RTP2: variants seen among roughly 807,000 people sequenced by gnomAD.
The protein encoded by RTP2 is receptor transporter protein 2.
In RTP2, 12 loss-of-function variants were observed where a neutral mutation model predicts 17.9. The ratio of observed to expected loss-of-function variants is 0.67; its 90% CI spans 0.43 to 1.09. The LOEUF is 1.09. RTP2 is among the 50% of genes least tolerant of loss of function. The probability of loss-of-function intolerance (pLI) is 0.00; values close to 1 mark genes in which losing one functional copy is unlikely to be tolerated. For synonymous variants in RTP2, 126 were observed against 117.7 expected, an observed-to-expected ratio of 1.07 and a Z score of -0.46; for missense variants, 327 against 295.7, an observed-to-expected ratio of 1.11 and a Z score of -0.78.
chr3:187,706,146 A>G (rs1198150697), upstream of RTP2, among the ~76,000 whole-genome samples: 1 of 152,232 alleles, frequency 6.6e-6, no homozygotes, highest in Non-Finnish European at 1.5e-5. Context: ...ATAACTACAC[A>G]CTATAAAAAT....
chr3:187,700,463 G>A (rs1406899738), intron 1 of RTP2, among the ~76,000 whole-genome samples: 3 of 152,250 alleles, frequency 2.0e-5, no homozygotes, highest in Non-Finnish European at 4.4e-5. Flanking sequence ...CCAGGAGTAA[G>A]AGGAGCTGAC....
the RTP2 span, among the ~76,000 whole-genome samples, chr3:187,708,381 C>T: frequency 6.6e-6 from 1 of 152,168 alleles, no homozygotes; most frequent in Admixed American, 6.5e-5. Flanking sequence ...GTGCCGGTGC[C>T]ATAACAGTTA....
exon 1 of RTP2, chr3:187,702,263 T>A: frequency 1.2e-6 from 1 of 840,810 alleles, no homozygotes; most frequent in Non-Finnish European, 1.9e-6. Context: ...AGGACCCAGC[T>A]CCCTCCTCTG....
chr3:187,699,728 TCC>T (rs1491585916), intron 1 of RTP2, among the ~76,000 whole-genome samples: 283 of 118,842 alleles, frequency 2.4e-3, no homozygotes, highest in Middle Eastern at 4.5e-3. Context: ...CCATTGCCAC[TCC>T]ACACACACAC....
chr3:187,702,182 A>G (rs1717869340), exon 1 of RTP2: 2 of 1,535,992 alleles, frequency 1.3e-6, no homozygotes, highest in Non-Finnish European at 1.8e-6. Context: ...GAACACAGAA[A>G]GAGCACGGAT....
In RTP2 at chr3:187,702,067, G is replaced by A. The variant is rs748103388; in HGVS notation, c.62C>T (p.Ala21Val). 1.9e-6 allele frequency: 3 copies of A among 1,613,662 alleles called. No homozygotes were observed. The South Asian group carries it at 3.3e-5, about 18-fold the overall frequency. The change falls in exon 1 of 2, where the codon GCA becomes GTA. Residue 21 changes from alanine (A) to valine (V), a missense_variant. Coordinates refer to ENST00000358241, the Ensembl canonical transcript of RTP2. ...GAGCTCCCAGCTGTCCGCTGGCTTT[G>A]CCACCTCCATCTTCTCATAGAAGAC...
chr3:187,714,800 G>A, the RTP2 span, among the ~76,000 whole-genome samples: 2 of 152,126 alleles, frequency 1.3e-5, no homozygotes, highest in East Asian at 3.8e-4. Context: ...GCTAGGCAGG[G>A]GTCTTGGTGT....
the RTP2 span, among the ~76,000 whole-genome samples, chr3:187,708,861 T>A: frequency 2.6e-5 from 4 of 152,030 alleles, no homozygotes; most frequent in Admixed American, 6.6e-5. Context: ...TTACTGGAGG[T>A]CCTATAGTTA....
In RTP2 at chr3:187,698,680, T is replaced by A. The variant is rs1445509189; in HGVS notation, c.496A>T (p.Lys166Ter). 7 of 1,614,134 alleles carry A rather than the reference T, an allele frequency of 4.3e-6. No individual in the cohort carries two copies. The highest frequency in any genetic ancestry group is 5.1e-6 in the Non-Finnish European group (6 of 1,179,998). Residue 166 changes from lysine (K) to a stop codon, truncating the protein, a stop_gained, in exon 2 of 2, where the codon AAG (lysine) becomes TAG (stop). Coordinates refer to ENST00000358241, the Ensembl canonical transcript of RTP2. LOFTEE classifies it high-confidence loss of function. ...TCCTCCAGCAGCTTCTCGCTGGGCT[T>A]CCAGTGAACGATGCCCTCCTGGCAG...
intron 1 of RTP2, 76 bp from the exon 2 acceptor site, chr3:187,699,087 A>G (rs1192785658): frequency 2.0e-6 from 3 of 1,468,590 alleles, no homozygotes; most frequent in East Asian, 2.4e-5. Context: ...TGAGAGGGAA[A>G]AAAAAGCCTG....
chr3:187,706,016 G>C (rs1717982865), upstream of RTP2, among the ~76,000 whole-genome samples: 1 of 152,206 alleles, frequency 6.6e-6, no homozygotes, highest in South Asian at 2.1e-4. Context: ...ATTGGAACCA[G>C]AAGATACACA....
chr3:187,708,986 T>G, the RTP2 span, among the ~76,000 whole-genome samples: 5 of 150,114 alleles, frequency 3.3e-5, no homozygotes, highest in Admixed American at 2.7e-4. Context: ...TTTTTTTCTG[T>G]CTTCCCTGGA....
At chr3:187,702,638 C>A, upstream of RTP2, 1 of 454,908 alleles carries the variant, frequency 2.2e-6, no homozygotes, top group Non-Finnish European at 4.4e-6. Context: ...CCATCACTTA[C>A]CATGTGCCTA....
At chr3:187,712,214 T>C in the RTP2 span, among the ~76,000 whole-genome samples, 27 of 152,196 alleles carry the variant, frequency 1.8e-4, no homozygotes, top group African/African-American at 6.5e-4. Flanking sequence ...ACTTCCTGGC[T>C]TGGATATTGT....
chr3:187,715,174 G>T, the RTP2 span, among the ~76,000 whole-genome samples: 2 of 152,104 alleles, frequency 1.3e-5, no homozygotes, highest in Non-Finnish European at 1.5e-5. Context: ...TCTAAATGGG[G>T]TAGGATCTTG....
At chr3:187,704,261 G>A (rs1309336400), upstream of RTP2, among the ~76,000 whole-genome samples, 1 of 152,218 alleles carries the variant, frequency 6.6e-6, no homozygotes, top group Non-Finnish European at 1.5e-5. Flanking sequence ...TGGAATGCAA[G>A]TTAATGAAGA....
upstream of RTP2, among the ~76,000 whole-genome samples, chr3:187,705,515 A>G (rs1717970402): frequency 6.6e-6 from 1 of 152,180 alleles, no homozygotes; most frequent in Admixed American, 6.5e-5. Flanking sequence ...TTTTAAACAC[A>G]CATTTACCCA....
the RTP2 span, among the ~76,000 whole-genome samples, chr3:187,709,574 A>G: frequency 6.6e-6 from 1 of 152,118 alleles, no homozygotes; most frequent in Non-Finnish European, 1.5e-5. Flanking sequence ...AATCCCAGCT[A>G]CTCAGGAAGC....
upstream of RTP2, among the ~76,000 whole-genome samples, chr3:187,705,669 A>T (rs74845780): frequency 0.049 from 7,383 of 152,200 alleles, 276 homozygotes; most frequent in African/African-American, 0.1. Context: ...TTTAGGAAAC[A>T]GGTCACCTTC....
Sources: gnomAD v4.1 joint callset for allele counts (sites outside exome capture counted in the v4.1 genomes callset) on GRCh38, gnomAD v4.1.1 for gene constraint, MANE v1.5 for transcripts, NCBI Gene and HGNC (gene_info 2026-07-23, HGNC 2026-07-21) for gene names.